Variants in DGKH observed in about 807,000 individuals in gnomAD.
DGKH encodes DAG kinase eta.
In DGKH, 90 loss-of-function variants were observed where a neutral mutation model predicts 159.3. That is an observed-to-expected ratio of 0.57 (90% confidence interval 0.48 to 0.67). DGKH has a LOEUF of 0.67. Ranked by LOEUF, DGKH falls within the 30% of genes least tolerant of loss-of-function variation. The pLI is 0.00. For synonymous variants in DGKH, 536 were observed against 553.8 expected (o/e 0.97, Z 0.45); for missense variants, 1,181 against 1,506.1 (o/e 0.78, Z 3.57).
At chr13:42,248,253 G>A (rs1382605329) in intron 29 of DGKH, among the ~76,000 whole-genome samples, 1 of 151,788 alleles carries the variant, frequency 6.6e-6, no homozygotes, top group Non-Finnish European at 1.5e-5. Context: ...GAAACCCTGT[G>A]TCTACCAAAA....
chr13:42,199,478 A>G, intron 18 of DGKH, 88 bp from the exon 19 acceptor site: 2 of 885,398 alleles, frequency 2.3e-6, no homozygotes, highest in Middle Eastern at 3.5e-4. Context: ...GAAAGCTTAA[A>G]TGGTTTTAAG....
intron 1 of DGKH, among the ~76,000 whole-genome samples, chr13:42,059,010 C>A (rs1336433308): frequency 1.3e-5 from 2 of 152,212 alleles, no homozygotes; most frequent in Non-Finnish European, 2.9e-5. Context: ...CTGAGCAATA[C>A]ACATCATCAC....
At chr13:42,155,425 G>T (rs887413604) in intron 4 of DGKH, 30 bp downstream of exon 4, 3 of 1,590,278 alleles carry the variant, frequency 1.9e-6, no homozygotes, top group Non-Finnish European at 2.6e-6. Flanking sequence ...TTCATCTCGT[G>T]TTCTTAGGAA....
Position 42,135,507 on chromosome 13 carries a change from A to AAAAAAAAAAAAAAAAAAAG in DGKH, c.384+5876_384+5877insAAAAAAAAAAAAAAAAAGA, listed in dbSNP as rs71096557. Among the ~76,000 whole-genome samples, 327 of 113,252 alleles carry AAAAAAAAAAAAAAAAAAAG rather than the reference A, an allele frequency of 2.9e-3. 14 individuals carry two copies. Among genetic ancestry groups the AAAAAAAAAAAAAAAAAAAG allele is most frequent in the Non-Finnish European group, 3.9e-3 (200 of 51,552 alleles). The allele number at this position is 113,252 out of a possible 152,430, so 74.3% of individuals were successfully genotyped here. A position where few individuals can be genotyped will look rare whatever the true frequency, so the allele number is the denominator to read the frequency against. The stretch of plus-strand genomic sequence containing the variant: ...CCTGTCTCAGAAAAAAAAAAAAAAA[A>AAAAAAAAAAAAAAAAAAAG]AGAGAGAGAGAGAAAAAGAAAAAAA... On this transcript the variant is annotated intron_variant, in intron 3 of 29. Transcript: ENST00000337343.
chr13:42,150,973 A>G (rs1453432203), intron 3 of DGKH, among the ~76,000 whole-genome samples: 1 of 152,116 alleles, frequency 6.6e-6, no homozygotes, highest in Admixed American at 6.6e-5. Flanking sequence ...AGGTGTGACT[A>G]TGAAGGCAAG....
At position 42,048,963 on chromosome 13, in the gene DGKH, A is replaced by T; in HGVS notation, c.190A>T (p.Lys64Ter). The change falls in exon 1 of 30, where the codon AAG becomes TAG. Residue 64 changes from lysine to a stop codon, truncating the protein, a stop_gained and splice_region_variant. Transcript: ENST00000337343. LOFTEE classifies it high-confidence loss of function. The surrounding 1 kb of genome is among the most constrained non-coding windows in gnomAD (Gnocchi z 6.7). ...KVSTSGQIRT[K>*]TSIKEGQLLK... ...GTCTACCTCGGGGCAGATCCGGACC[A>T]AGGTAGGGCGGAGGAGGCGGGCCTG... The T allele has an allele frequency of 7.7e-7, 1 of 1,291,848 alleles. No homozygotes were observed. The highest frequency in any genetic ancestry group is 9.9e-7 in the Non-Finnish European group (1 of 1,011,836). The allele number at this position is 1,291,848 out of a possible 1,614,324, so 80.0% of individuals were successfully genotyped here. A position where few individuals can be genotyped will look rare whatever the true frequency, so the allele number is the denominator to read the frequency against.
intron 1 of DGKH, among the ~76,000 whole-genome samples, chr13:42,093,990 G>A (rs1446099096): frequency 2.0e-5 from 3 of 151,516 alleles, no homozygotes; most frequent in Middle Eastern, 3.4e-3. Context: ...GGTTAAGATG[G>A]TAAATTTTGT....
chr13:42,053,917 G>A (rs1164854671), intron 1 of DGKH, among the ~76,000 whole-genome samples: 1 of 152,064 alleles, frequency 6.6e-6, no homozygotes, highest in Non-Finnish European at 1.5e-5. Flanking sequence ...ACCACGCCTG[G>A]CCAAAAACAT....
intron 1 of DGKH, among the ~76,000 whole-genome samples, chr13:42,087,243 G>C (rs1170203): frequency 0.84 from 127,793 of 152,102 alleles, 54,208 homozygotes; most frequent in African/African-American, 0.93. Flanking sequence ...TAGCCTTAGA[G>C]TAAAGGCTGC....
chr13:42,209,558 G>A (rs907696755), intron 23 of DGKH, 93 bp downstream of exon 23: 1 of 1,330,752 alleles, frequency 7.5e-7, no homozygotes, highest in African/African-American at 1.5e-5. Context: ...CATTTAAATT[G>A]TCTCTTAAAT....
rs1334007687 is a variant in DGKH at position 42,239,236 on chromosome 13, A to T, written c.*10048A>T. 2 of 152,234 alleles carry T rather than the reference A, an allele frequency of 1.3e-5. No individual in the cohort carries two copies. Among genetic ancestry groups the T allele is most frequent in the East Asian group, 1.9e-4 (1 of 5,206 alleles). 9.4% of individuals were successfully genotyped at this position (152,234 alleles called of 1,614,324 possible). The stretch of plus-strand genomic sequence containing the variant: ...TTATAATTGCGCAGCATTTTAAAAA[A>T]ATATACATAATTATGAGGATGAGAG... On this transcript the variant is annotated 3_prime_UTR_variant, in exon 30 of 30. Transcript: ENST00000337343.
chr13:42,240,354 C>A lies in DGKH; in HGVS notation c.*11166C>A, dbSNP rs542674821. On this transcript the variant is annotated 3_prime_UTR_variant, in exon 30 of 30. Transcript: ENST00000337343. ...AAATAATCATCTGTTAGCTGTAAAT[C>A]AGAAATATTGGCCAAATCAGAATTC... 6.6e-6 allele frequency: 1 copy of A among 152,290 alleles called. No individual in the cohort carries two copies. Among genetic ancestry groups the A allele is most frequent in the Non-Finnish European group, 1.5e-5 (1 of 68,016 alleles). The allele number at this position is 152,290 out of a possible 1,614,324, so 9.4% of individuals were successfully genotyped here. A position where few individuals can be genotyped will look rare whatever the true frequency, so the allele number is the denominator to read the frequency against.
intron 12 of DGKH, among the ~76,000 whole-genome samples, chr13:42,174,446 G>T (rs183836694): frequency 6.6e-6 from 1 of 152,260 alleles, no homozygotes; most frequent in Non-Finnish European, 1.5e-5. Context: ...TGATGTAACA[G>T]ATGTGTAAAG....
chr13:42,194,251 A>G (rs1421904329), intron 16 of DGKH, among the ~76,000 whole-genome samples: 3 of 152,108 alleles, frequency 2.0e-5, no homozygotes, highest in Admixed American at 2.0e-4. Flanking sequence ...GTGATCCTCC[A>G]GCCTCAGCCT....
intron 1 of DGKH, among the ~76,000 whole-genome samples, chr13:42,053,416 A>G (rs1407922951): frequency 6.8e-6 from 1 of 147,502 alleles, no homozygotes; most frequent in Non-Finnish European, 1.5e-5. Context: ...ATATAACTAT[A>G]TATGTAACTC....
chr13:42,198,403 C>A, intron 17 of DGKH, 75 bp from the exon 18 acceptor site: 2 of 1,265,978 alleles, frequency 1.6e-6, no homozygotes, highest in Non-Finnish European at 1.1e-6. Flanking sequence ...TATTTGATAT[C>A]AGGCCTGGAT....
intron 1 of DGKH, among the ~76,000 whole-genome samples, chr13:42,078,737 G>T (rs1954144039): frequency 6.6e-6 from 1 of 151,788 alleles, no homozygotes; most frequent in Admixed American, 6.6e-5. Context: ...TAACATTAGG[G>T]GTACTTCATT....
At chr13:42,206,790 T>G (rs73188947) in intron 21 of DGKH, among the ~76,000 whole-genome samples, 13,817 of 152,102 alleles carry the variant, frequency 0.091, 714 homozygotes, top group Middle Eastern at 0.12. Context: ...GTGATTACAT[T>G]GGGCCCACCT....
intron 21 of DGKH, among the ~76,000 whole-genome samples, chr13:42,207,111 T>C (rs1415391721): frequency 1.8e-5 from 2 of 109,790 alleles, no homozygotes; most frequent in Non-Finnish European, 3.7e-5. Context: ...CTTTCTTTCT[T>C]TCTCTTTCTC....
Sources: gnomAD v4.1 joint callset for allele counts (sites outside exome capture counted in the v4.1 genomes callset) on GRCh38, gnomAD v4.1.1 for gene constraint, Gnocchi (gnomAD v3.1) non-coding constraint, MANE v1.5 for transcripts, NCBI Gene and HGNC (gene_info 2026-07-23, HGNC 2026-07-21) for gene names.